Variants in BIN3 observed in about 807,000 individuals in gnomAD.
BIN3 encodes the protein bridging integrator 3.
A neutral mutation model predicts 38.2 loss-of-function variants in BIN3; 41 were observed. That is an observed-to-expected ratio of 1.07 (90% CI 0.84 to 1.39). The LOEUF (loss-of-function observed/expected upper bound fraction) is 1.39, where lower values mean the gene tolerates loss of function less well. Among genes scored for constraint, BIN3 ranks in the 40% most tolerant of loss-of-function variants. The probability of loss-of-function intolerance (pLI) is 0.00; values close to 1 mark genes in which losing one functional copy is unlikely to be tolerated. For synonymous variants in BIN3, 145 were observed against 122.6 expected, an observed-to-expected ratio of 1.18 and a Z score of -1.21; for missense variants, 361 against 324.3, an observed-to-expected ratio of 1.11 and a Z score of -0.87.
Position 22,635,255 on chromosome 8 carries a change from A to G in BIN3, c.160+1270T>C, listed in dbSNP as rs147447542. On this transcript the variant is annotated intron_variant, in intron 4 of 8. Transcript: ENST00000276416. ...CTTATTTTTATTGACCTTGCACGCC[A>G]CGACGTGTCATTATATACCGATCCG... 4.7e-3 allele frequency among the ~76,000 whole-genome samples: 723 copies of G among 152,216 alleles called. 11 individuals carry two copies. The highest frequency in any genetic ancestry group is 0.017 in the African/African-American group (694 of 41,522).
chr8:22,620,814 A>T lies in BIN3; in HGVS notation c.*608T>A, dbSNP rs145744037. Reference sequence around the variant, plus strand: ...TTTGAGACCTGTGAATTCTTGTGGGACAGTTCCACTGACAGCTTGCGTTCC... The same window carrying T: ...TTTGAGACCTGTGAATTCTTGTGGGTCAGTTCCACTGACAGCTTGCGTTCC... On this transcript the variant is annotated 3_prime_UTR_variant, in exon 9 of 9. Transcript: ENST00000276416. 6.6e-6 allele frequency: 1 copy of T among 152,302 alleles called. No individual in the cohort carries two copies. Among genetic ancestry groups the T allele is most frequent in the Non-Finnish European group, 1.5e-5 (1 of 68,094 alleles). 9.4% of individuals were successfully genotyped at this position (152,302 alleles called of 1,614,324 possible).
Position 22,622,207 on chromosome 8 carries a change from G to A in BIN3, c.616-639C>T, listed in dbSNP as rs1801847677. Among the ~76,000 whole-genome samples, 6 of 152,230 alleles carry A rather than the reference G, an allele frequency of 3.9e-5. No homozygotes were observed. In the South Asian group the frequency reaches 1.2e-3, roughly 31 times the overall value. On this transcript the variant is annotated intron_variant, in intron 8 of 8. Transcript: ENST00000276416. ...GGGAAGCCCGTCAATTCTCCCAGAT[G>A]GCTGAGGACCAGGGGCTTTTCCACA...
chr8:22,665,442 C>A (rs1258987288), intron 1 of BIN3, among the ~76,000 whole-genome samples: 1 of 152,138 alleles, frequency 6.6e-6, no homozygotes, highest in Admixed American at 6.5e-5. Context: ...ACAAGTAAAC[C>A]AGCCAGCGGA....
intron 5 of BIN3, 62 bp downstream of exon 5, chr8:22,630,380 C>T: frequency 6.3e-7 from 1 of 1,598,832 alleles, no homozygotes; most frequent in South Asian, 1.1e-5. Context: ...CCGCACAGTC[C>T]ACCCAGAGGC....
chr8:22,642,296 G>A (rs1426372323), intron 2 of BIN3, among the ~76,000 whole-genome samples: 2 of 145,824 alleles, frequency 1.4e-5, no homozygotes, highest in Non-Finnish European at 3.0e-5. Flanking sequence ...TGCCAGAGAT[G>A]CTGAGACAAC....
chr8:22,668,701 G>C (rs1357604822), intron 1 of BIN3, among the ~76,000 whole-genome samples: 2 of 152,236 alleles, frequency 1.3e-5, no homozygotes, highest in South Asian at 2.1e-4. Context: ...GCCCACAGGA[G>C]AGAAAGACGA....
Position 22,636,277 on chromosome 8 carries a change from T to A in BIN3, c.160+248A>T, listed in dbSNP as rs141962265. The stretch of plus-strand genomic sequence containing the variant: ...GCTACCAGAAGCTTCCACCAGCTGC[T>A]GTACTGTCCTGACTGGAGTCCCAGG... On this transcript the variant is annotated intron_variant, in intron 4 of 8. Coordinates refer to ENST00000276416, the MANE Select transcript of BIN3 (RefSeq NM_018688.6). Among the ~76,000 whole-genome samples, 973 of 152,334 alleles carry A rather than the reference T, an allele frequency of 6.4e-3. 17 individuals carry two copies. Among genetic ancestry groups the A allele is most frequent in the African/African-American group, 0.023 (936 of 41,582 alleles).
chr8:22,626,808 A>AC lies in BIN3; in HGVS notation c.339-2446dup, dbSNP rs796615844. Among the ~76,000 whole-genome samples, 11 of 151,656 alleles carry AC rather than the reference A, an allele frequency of 7.3e-5. No individual in the cohort carries two copies. In the South Asian group the frequency reaches 1.5e-3, roughly 20 times the overall value. On this transcript the variant is annotated intron_variant, in intron 6 of 8. Coordinates refer to ENST00000276416, the MANE Select transcript of BIN3 (RefSeq NM_018688.6). ...CTATGCTCGTTGCTCCAGCAGCCTG[A>AC]CCCCCCAACATCCCCTGAGGCACTC...
At chr8:22,636,395 T>A in intron 4 of BIN3, 130 bp downstream of exon 4, 1 of 907,434 alleles carries the variant, frequency 1.1e-6, no homozygotes, top group South Asian at 1.6e-5. Flanking sequence ...GCCCTGAGGC[T>A]GCTTCTCAGG....
chr8:22,641,212 T>C (rs1239880229), intron 2 of BIN3, among the ~76,000 whole-genome samples: 1 of 152,180 alleles, frequency 6.6e-6, no homozygotes, highest in Non-Finnish European at 1.5e-5. Flanking sequence ...TAAACACATG[T>C]GCACGGACCA....
At chr8:22,655,739 G>T (rs1299506224) in intron 1 of BIN3, among the ~76,000 whole-genome samples, 1 of 152,000 alleles carries the variant, frequency 6.6e-6, no homozygotes, top group East Asian at 1.9e-4. Flanking sequence ...TTTGACTATT[G>T]TGTGTCCCTT....
intron 2 of BIN3, among the ~76,000 whole-genome samples, chr8:22,640,593 G>T (rs1272659473): frequency 1.3e-5 from 2 of 152,068 alleles, no homozygotes; most frequent in African/African-American, 4.8e-5. Flanking sequence ...GCACTACTTG[G>T]CCCAAACCAA....
chr8:22,654,500 T>C lies in BIN3; in HGVS notation c.9-9697A>G, dbSNP rs143853672. Among the ~76,000 whole-genome samples the C allele has an allele frequency of 3.4e-3, 521 of 152,044 alleles. 5 individuals are homozygous for C. The highest frequency in any genetic ancestry group is 0.012 in the African/African-American group (500 of 41,314). ...ACCTATTAGCAAACAACTCCCCTCC[T>C]CCAGCCCTGGCAACCATTACTTTGC... On this transcript the variant is annotated intron_variant, in intron 1 of 8. Transcript: ENST00000276416.
chr8:22,668,200 G>A (rs1803489216), intron 1 of BIN3, among the ~76,000 whole-genome samples: 1 of 152,216 alleles, frequency 6.6e-6, no homozygotes, highest in Non-Finnish European at 1.5e-5. Flanking sequence ...AAAGCCCCAG[G>A]AAGGCAGGCA....
At chr8:22,651,450 A>G (rs1467557637) in intron 1 of BIN3, among the ~76,000 whole-genome samples, 2 of 152,018 alleles carry the variant, frequency 1.3e-5, no homozygotes, top group African/African-American at 4.8e-5. Flanking sequence ...CTCTTTCATG[A>G]TTTTTCCCTG....
intron 4 of BIN3, among the ~76,000 whole-genome samples, chr8:22,633,342 T>C (rs1009100870): frequency 1.1e-4 from 16 of 152,202 alleles, no homozygotes; most frequent in African/African-American, 3.6e-4. Context: ...CATGCCCCTC[T>C]GGACCTGTGG....
At position 22,661,819 on chromosome 8, in the gene BIN3, C is replaced by G. The variant is rs193025289; in HGVS notation, c.8+7225G>C. On this transcript the variant is annotated intron_variant, in intron 1 of 8. Transcript: ENST00000276416. ...ATATATACATTTTTTTTGAGACAGTCTCACTTTGTTGCCCAGGCTGGAGTG... is the reference window on the plus strand; with the variant it reads ...ATATATACATTTTTTTTGAGACAGTGTCACTTTGTTGCCCAGGCTGGAGTG... 3.9e-5 allele frequency among the ~76,000 whole-genome samples: 6 copies of G among 152,098 alleles called. No individual in the cohort carries two copies. In the South Asian group the frequency reaches 1.0e-3, roughly 26 times the overall value.
At chr8:22,662,651 T>C (rs1424758852) in intron 1 of BIN3, among the ~76,000 whole-genome samples, 1 of 152,212 alleles carries the variant, frequency 6.6e-6, no homozygotes, top group Non-Finnish European at 1.5e-5. Context: ...TTTGTAATGA[T>C]ACTCTTAGAC....
rs185954543 is a variant in BIN3, at chr8:22,636,208, C to T, written c.160+317G>A. 2.6e-5 allele frequency among the ~76,000 whole-genome samples: 4 copies of T among 152,348 alleles called. No homozygotes were observed. The East Asian group carries it at 7.7e-4, about 29-fold the overall frequency. Reference sequence around the variant, plus strand: ...GAATGTGCTTCCCTTTCCCTCTGGACAGCCTGAGCCGGTGGCCAGGATTCT... The same window carrying T: ...GAATGTGCTTCCCTTTCCCTCTGGATAGCCTGAGCCGGTGGCCAGGATTCT... On this transcript the variant is annotated intron_variant, in intron 4 of 8. Coordinates refer to ENST00000276416, the MANE Select transcript of BIN3 (RefSeq NM_018688.6).
Sources: gnomAD v4.1 joint callset for allele counts (sites outside exome capture counted in the v4.1 genomes callset) on GRCh38, gnomAD v4.1.1 for gene constraint, MANE v1.5 for transcripts, NCBI Gene and HGNC (gene_info 2026-07-23, HGNC 2026-07-21) for gene names.